DIP2C: variants seen among roughly 807,000 people sequenced by gnomAD.
DIP2C encodes DIP2 acetate--CoA ligase C (putative), also known as disco-interacting protein 2 homolog C.
In DIP2C, 33 loss-of-function variants were observed where a neutral mutation model predicts 192.4. The observed-to-expected ratio is 0.17, with a 90% CI of 0.13 to 0.23. The LOEUF (loss-of-function observed/expected upper bound fraction) is 0.23, where lower values mean the gene tolerates loss of function less well. DIP2C is among the 10% of genes least tolerant of loss of function. The pLI is 1.00. For missense variants in DIP2C, 1,537 were observed against 2,110.1 expected (o/e 0.73, Z 5.32); for synonymous variants, 979 against 864.1 (o/e 1.13, Z -2.33).
intron 10 of DIP2C, among the ~76,000 whole-genome samples, chr10:393,921 T>C (rs1348625071): frequency 6.6e-6 from 1 of 150,928 alleles, no homozygotes; most frequent in Non-Finnish European, 1.5e-5. Flanking sequence ...TACCCGTTGA[T>C]GAGGATGCAG....
At chr10:294,977 C>G (rs750770598) in intron 32 of DIP2C, among the ~76,000 whole-genome samples, 8 of 151,660 alleles carry the variant, frequency 5.3e-5, no homozygotes. Flanking sequence ...AAGAAAAACC[C>G]AAAAAACAAA....
chr10:519,508 A>G (rs1394784898), intron 1 of DIP2C, among the ~76,000 whole-genome samples: 1 of 152,022 alleles, frequency 6.6e-6, no homozygotes, highest in African/African-American at 2.4e-5. Flanking sequence ...CCACACATAC[A>G]TGGGACCTCC....
In DIP2C at chr10:638,088, G is replaced by A. The variant is rs138289595; in HGVS notation, c.85+51406C>T. Among the ~76,000 whole-genome samples, 12 of 152,114 alleles carry A rather than the reference G, an allele frequency of 7.9e-5. No homozygotes were observed. In the South Asian group the frequency reaches 1.5e-3, roughly 18 times the overall value. On this transcript the variant is annotated intron_variant, in intron 1 of 36. Transcript: ENST00000280886. The stretch of plus-strand genomic sequence containing the variant: ...ACAGCCCCGGCCAGGTGTGTGCCTC[G>A]GGCAATGCACAGGTAACGTCAGCTG...
chr10:423,162 CTT>C (rs1267419490), intron 4 of DIP2C, 129 bp from the exon 5 acceptor site: 9 of 878,466 alleles, frequency 1.0e-5, no homozygotes, highest in Admixed American at 8.7e-5. Context: ...TTGATACACT[CTT>C]GAGAAGTTAA....
At position 408,919 on chromosome 10, in the gene DIP2C, C is replaced by T. The variant is rs1297187799; in HGVS notation, c.1149+7G>A. The T allele has an allele frequency of 1.9e-6, 3 of 1,613,916 alleles. No homozygotes were observed. Among genetic ancestry groups the T allele is most frequent in the African/African-American group, 1.3e-5 (1 of 75,060 alleles). ...TTTGTAGATCCAGCAGTTTAAGTTG[C>T]ACTTACCCTATCTCCAGGCCGGACC... On this transcript the variant is annotated splice_region_variant and intron_variant, in intron 9 of 36. Transcript: ENST00000280886.
At chr10:631,709 A>T (rs1270199374) in intron 1 of DIP2C, among the ~76,000 whole-genome samples, 1 of 152,254 alleles carries the variant, frequency 6.6e-6, no homozygotes, top group African/African-American at 2.4e-5. Context: ...CCTTTAAAAA[A>T]TACCTAAAAC....
At chr10:388,177 G>C (rs891088962) in intron 13 of DIP2C, among the ~76,000 whole-genome samples, 1 of 152,128 alleles carries the variant, frequency 6.6e-6, no homozygotes, top group Non-Finnish European at 1.5e-5. Context: ...TGCCCTCTGC[G>C]CACAGAGGAG....
Position 336,895 on chromosome 10 carries a change from G to GGTGTGTGTGT in DIP2C, c.3584+4294_3584+4303dup, listed in dbSNP as rs112539860. ...TGCGCGTGTTGTGGAGGCCTAGGCA[G>GGTGTGTGTGT]GTGTGTGTGTGTGTGTGTGTGTGTG... On this transcript the variant is annotated intron_variant, in intron 29 of 36. Transcript: ENST00000280886. Among the ~76,000 whole-genome samples the GGTGTGTGTGT allele has an allele frequency of 1.0e-3, 92 of 91,774 alleles. 7 individuals are homozygous for GGTGTGTGTGT. Among genetic ancestry groups the GGTGTGTGTGT allele is most frequent in the African/African-American group, 1.8e-3 (53 of 29,730 alleles). 60.2% of individuals were successfully genotyped at this position (91,774 alleles called of 152,430 possible).
chr10:571,760 A>C (rs997223651), intron 1 of DIP2C, among the ~76,000 whole-genome samples: 2 of 152,224 alleles, frequency 1.3e-5, no homozygotes, highest in African/African-American at 4.8e-5. Context: ...GGTGCCCAGC[A>C]GTATGGCTGT....
intron 1 of DIP2C, among the ~76,000 whole-genome samples, chr10:540,455 TA>T (rs1330634820): frequency 2.0e-5 from 3 of 152,202 alleles, no homozygotes; most frequent in Admixed American, 2.0e-4. Context: ...GAGCAAAACC[TA>T]AAACACTTCC....
At chr10:348,603 C>CA (rs764831129) in intron 26 of DIP2C, 38 bp downstream of exon 26, 7 of 1,603,368 alleles carry the variant, frequency 4.4e-6, no homozygotes, top group Non-Finnish European at 5.1e-6. Flanking sequence ...CACTCAGCTC[C>CA]AGGCAGGTGG....
intron 1 of DIP2C, among the ~76,000 whole-genome samples, chr10:523,801 G>A (rs1197950000): frequency 4.6e-5 from 7 of 152,328 alleles, no homozygotes; most frequent in African/African-American, 1.4e-4. Flanking sequence ...ACCCTGGAGC[G>A]AGGATGCAGG....
At chr10:600,516 G>T (rs1006159451) in intron 1 of DIP2C, among the ~76,000 whole-genome samples, 1 of 142,108 alleles carries the variant, frequency 7.0e-6, no homozygotes, top group East Asian at 2.5e-4. Flanking sequence ...GCTCCGGAGC[G>T]ACCCCACAAG....
intron 3 of DIP2C, among the ~76,000 whole-genome samples, chr10:462,744 T>A (rs1168750080): frequency 6.6e-6 from 1 of 152,120 alleles, no homozygotes; most frequent in Admixed American, 6.5e-5. Flanking sequence ...CAGGCCGATA[T>A]CCCTGATGAA....
At position 349,241 on chromosome 10, in the gene DIP2C, G is replaced by T. The variant is rs1029961080; in HGVS notation, c.3109+90C>A. ...GACTCCCAGCCATGACGCGACCCTCGGCTCAGGCACCAGCGGGTGTAAGGG... is the reference window on the plus strand; with the variant it reads ...GACTCCCAGCCATGACGCGACCCTCTGCTCAGGCACCAGCGGGTGTAAGGG... On this transcript the variant is annotated intron_variant, in intron 25 of 36. Transcript: ENST00000280886. The T allele has an allele frequency of 2.6e-6, 4 of 1,519,294 alleles. No individual in the cohort carries two copies. The African/African-American group carries it at 4.1e-5, about 16-fold the overall frequency. 94.1% of individuals were successfully genotyped at this position (1,519,294 alleles called of 1,614,324 possible). A position where few individuals can be genotyped will look rare whatever the true frequency, so the allele number is the denominator to read the frequency against.
chr10:662,957 G>A lies in DIP2C; in HGVS notation c.85+26537C>T, dbSNP rs1196409091. 5 of 717,064 alleles carry A rather than the reference G, an allele frequency of 7.0e-6. No individual in the cohort carries two copies. In the East Asian group the frequency reaches 1.3e-4, roughly 19 times the overall value. 44.4% of individuals were successfully genotyped at this position (717,064 alleles called of 1,614,324 possible). A position where few individuals can be genotyped will look rare whatever the true frequency, so the allele number is the denominator to read the frequency against. On this transcript the variant is annotated intron_variant, in intron 1 of 36. Transcript: ENST00000280886. The stretch of plus-strand genomic sequence containing the variant: ...AATGGTTCTCAGCTCCGACCTCTGT[G>A]ATTAACAGAACATGCTGATTGGTTT...
intron 32 of DIP2C, among the ~76,000 whole-genome samples, chr10:292,881 G>A (rs1329735503): frequency 6.6e-6 from 1 of 152,242 alleles, no homozygotes; most frequent in East Asian, 1.9e-4. Flanking sequence ...TGCAAAGGCG[G>A]ATGAGCACAG....
chr10:343,003 G>A (rs1001243192), intron 28 of DIP2C, among the ~76,000 whole-genome samples: 11 of 152,150 alleles, frequency 7.2e-5, no homozygotes, highest in Non-Finnish European at 1.0e-4. Context: ...TTTAAAACAC[G>A]TCACGGCTGG....
At chr10:556,744 T>C (rs1043464683) in intron 1 of DIP2C, among the ~76,000 whole-genome samples, 2 of 152,072 alleles carry the variant, frequency 1.3e-5, no homozygotes, top group African/African-American at 2.4e-5. Context: ...CCTACCACAT[T>C]GAAAACAACG....
Sources: allele counts gnomAD v4.1 joint callset (sites outside exome capture counted in the v4.1 genomes callset), GRCh38; gene constraint gnomAD v4.1.1; transcripts MANE v1.5; gene names NCBI Gene and HGNC (gene_info 2026-07-23, HGNC 2026-07-21).